EPHA3: variants seen among roughly 807,000 people sequenced by gnomAD.
EPHA3 encodes the protein ephrin type-A receptor 3.
A neutral mutation model predicts 107.1 loss-of-function variants in EPHA3; 42 were observed. The observed-to-expected ratio is 0.39, with a 90% CI of 0.31 to 0.51. The LOEUF (loss-of-function observed/expected upper bound fraction) is 0.51, where lower values mean the gene tolerates loss of function less well. EPHA3 is among the 20% of genes least tolerant of loss of function. The pLI is 0.78. For synonymous variants in EPHA3, 461 were observed against 424.8 expected (o/e 1.09, Z -1.05); for missense variants, 1,183 against 1,211.2 (o/e 0.98, Z 0.35).
intron 3 of EPHA3, among the ~76,000 whole-genome samples, chr3:89,244,999 T>G (rs4857497): frequency 0.27 from 40,447 of 152,160 alleles, 5,655 homozygotes; most frequent in African/African-American, 0.32. Context: ...TATTAAAGTG[T>G]ATTGCAGAAA....
intron 3 of EPHA3, among the ~76,000 whole-genome samples, chr3:89,267,616 G>A (rs1046523432): frequency 2.0e-5 from 3 of 152,106 alleles, no homozygotes; most frequent in South Asian, 2.1e-4. Context: ...TAAAGGTAAC[G>A]TCTTGGCAAG....
intron 13 of EPHA3, among the ~76,000 whole-genome samples, chr3:89,432,492 T>TC: frequency 6.6e-6 from 1 of 152,144 alleles, no homozygotes; most frequent in African/African-American, 2.4e-5. Context: ...CTCAAGTGAT[T>TC]CTCCCGGGCT....
chr3:89,444,761 A>AT (rs1191578571), intron 13 of EPHA3, among the ~76,000 whole-genome samples: 1 of 152,136 alleles, frequency 6.6e-6, no homozygotes, highest in African/African-American at 2.4e-5. Context: ...ATTCTCAATC[A>AT]TCTTTATTCT....
At chr3:89,454,759 G>C (rs1339393057) in intron 15 of EPHA3, among the ~76,000 whole-genome samples, 1 of 152,122 alleles carries the variant, frequency 6.6e-6, no homozygotes, top group East Asian at 1.9e-4. Flanking sequence ...CAGGAGACTG[G>C]GGCTGGAGGA....
chr3:89,460,346 A>G (rs1344489234), intron 15 of EPHA3, among the ~76,000 whole-genome samples: 1 of 133,492 alleles, frequency 7.5e-6, no homozygotes, highest in Non-Finnish European at 1.6e-5. Context: ...AATGGAAGGC[A>G]ACACAATTCA....
chr3:89,272,426 A>G (rs977262416), intron 3 of EPHA3, among the ~76,000 whole-genome samples: 4 of 152,002 alleles, frequency 2.6e-5, no homozygotes, highest in African/African-American at 9.7e-5. Context: ...AAATTTCATC[A>G]GCTTTAAACC....
At chr3:89,209,166 T>A (rs1039902714) in intron 2 of EPHA3, among the ~76,000 whole-genome samples, 1 of 152,140 alleles carries the variant, frequency 6.6e-6, no homozygotes, top group African/African-American at 2.4e-5. Context: ...TATCTATCTA[T>A]TTCTTGACTA....
intron 13 of EPHA3, among the ~76,000 whole-genome samples, chr3:89,438,693 T>A (rs1442060890): frequency 7.9e-5 from 12 of 152,192 alleles, no homozygotes; most frequent in Admixed American, 7.9e-4. Context: ...ATTTGTGTCC[T>A]TCATATAGTA....
chr3:89,403,304 A>G (rs1209054090), intron 7 of EPHA3, among the ~76,000 whole-genome samples: 2 of 152,186 alleles, frequency 1.3e-5, no homozygotes, highest in African/African-American at 2.4e-5. Flanking sequence ...GACAGTATAT[A>G]AAGCAGTATG....
In EPHA3 at chr3:89,478,071, GA is replaced by G. The variant is rs571649355; in HGVS notation, c.2847-1323del. Among the ~76,000 whole-genome samples, 379 of 152,230 alleles carry G rather than the reference GA, an allele frequency of 2.5e-3. 3 individuals carry two copies. The highest frequency in any genetic ancestry group is 8.9e-3 in the African/African-American group (368 of 41,540). Reference sequence around the variant, plus strand: ...GGATGTTTGAGCATCTCTCAATCCTGAAAGACAGGAATATATGAACTAATTA... The same window carrying G: ...GGATGTTTGAGCATCTCTCAATCCTGAAGACAGGAATATATGAACTAATTA... On this transcript the variant is annotated intron_variant, in intron 16 of 16. Transcript: ENST00000336596.
At position 89,324,516 on chromosome 3, in the gene EPHA3, AT is replaced by A. The variant is rs200782629; in HGVS notation, c.815-16392del. Among the ~76,000 whole-genome samples the A allele has an allele frequency of 5.2e-3, 788 of 150,374 alleles. 3 individuals are homozygous for A. The highest frequency in any genetic ancestry group is 0.01 in the Middle Eastern group (3 of 292). On this transcript the variant is annotated intron_variant, in intron 3 of 16. Transcript: ENST00000336596. ...TATTTTTTTATTTTTTTTATTTTTT[AT>A]TTTTTTTAACTAGTTTATCCAGATT...
In EPHA3 at chr3:89,278,593, G is replaced by A. The variant is rs1320226164; in HGVS notation, c.815-62323G>A. Among the ~76,000 whole-genome samples the A allele has an allele frequency of 3.3e-5, 5 of 151,936 alleles. No individual in the cohort carries two copies. The East Asian group carries it at 9.7e-4, about 29-fold the overall frequency. ...TGATCTTGTGGACTTCATGCGCAAT[G>A]GCCTATTTTGTGACGCTTTCTCTTC... On this transcript the variant is annotated intron_variant, in intron 3 of 16. Coordinates refer to ENST00000336596, the MANE Select transcript of EPHA3 (RefSeq NM_005233.6).
At chr3:89,262,034 A>G (rs190933015) in intron 3 of EPHA3, among the ~76,000 whole-genome samples, 3 of 152,194 alleles carry the variant, frequency 2.0e-5, no homozygotes, top group East Asian at 3.9e-4. Flanking sequence ...AACACAAAAT[A>G]TGCAATAGTT....
intron 16 of EPHA3, among the ~76,000 whole-genome samples, chr3:89,472,879 A>G (rs1710435582): frequency 6.6e-6 from 1 of 152,134 alleles, no homozygotes. Flanking sequence ...CCTTCAGATC[A>G]ACCAACAGAT....
intron 2 of EPHA3, among the ~76,000 whole-genome samples, chr3:89,167,325 A>G (rs1705095684): frequency 6.6e-6 from 1 of 152,154 alleles, no homozygotes; most frequent in Admixed American, 6.6e-5. Flanking sequence ...CAAAGGACAT[A>G]TAATTTAAAA....
chr3:89,133,996 G>A (rs1704258327), intron 2 of EPHA3, among the ~76,000 whole-genome samples: 1 of 151,448 alleles, frequency 6.6e-6, no homozygotes, highest in Non-Finnish European at 1.5e-5. Context: ...CTGTTGTGTA[G>A]AATCAGAAAA....
chr3:89,423,560 C>G (rs1401308189), intron 11 of EPHA3, among the ~76,000 whole-genome samples: 1 of 151,324 alleles, frequency 6.6e-6, no homozygotes, highest in African/African-American at 2.4e-5. Flanking sequence ...TTTGGAAACT[C>G]TAATGACCCA....
intron 2 of EPHA3, among the ~76,000 whole-genome samples, chr3:89,135,222 A>G (rs1704286734): frequency 6.6e-6 from 1 of 152,152 alleles, no homozygotes. Flanking sequence ...ACCACCTCCT[A>G]AATGACTGTC....
At position 89,277,888 on chromosome 3, in the gene EPHA3, G is replaced by A. The variant is rs1240679230; in HGVS notation, c.815-63028G>A. Among the ~76,000 whole-genome samples, 5 of 152,214 alleles carry A rather than the reference G, an allele frequency of 3.3e-5. No homozygotes were observed. The East Asian group carries it at 7.7e-4, about 24-fold the overall frequency. ...ATGATTCTCTTTTGGACCCTCCATG[G>A]ATGGTGAATATAATTTCAATGGGGT... On this transcript the variant is annotated intron_variant, in intron 3 of 16. Transcript: ENST00000336596.
Sources: allele counts gnomAD v4.1 joint callset (sites outside exome capture counted in the v4.1 genomes callset), GRCh38; gene constraint gnomAD v4.1.1; transcripts MANE v1.5; gene names NCBI Gene and HGNC (gene_info 2026-07-23, HGNC 2026-07-21).